KCNIP4: variants seen among roughly 807,000 people sequenced by gnomAD.
KCNIP4 encodes potassium voltage-gated channel interacting protein 4.
Under a neutral mutation model 34.0 loss-of-function variants are expected in KCNIP4, and 12 were observed. The ratio of observed to expected loss-of-function variants is 0.35; its 90% CI spans 0.23 to 0.57. The LOEUF is 0.57. Ranked by LOEUF, KCNIP4 falls within the 20% of genes least tolerant of loss-of-function variation. The pLI is 0.83. For missense variants in KCNIP4, 238 were observed against 311.7 expected, an observed-to-expected ratio of 0.76 and a Z score of 1.78; for synonymous variants, 124 against 102.2, an observed-to-expected ratio of 1.21 and a Z score of -1.29.
In KCNIP4 at chr4:20,731,953, A is replaced by T; in HGVS notation, c.705+53T>A. The T allele has an allele frequency of 5.6e-6, 9 of 1,605,402 alleles. 1 individual carries two copies. In the South Asian group the frequency reaches 1.0e-4, roughly 18 times the overall value. ...TCATGGTAGCTAGCTGCTAATACTCAGTTTAGCTGTTATGATAGCTGAATT... is the reference window on the plus strand; with the variant it reads ...TCATGGTAGCTAGCTGCTAATACTCTGTTTAGCTGTTATGATAGCTGAATT... On this transcript the variant is annotated intron_variant, in intron 8 of 8. Transcript: ENST00000382152.
chr4:21,914,123 C>T (rs1385652105), intron 1 of KCNIP4, among the ~76,000 whole-genome samples: 1 of 152,050 alleles, frequency 6.6e-6, no homozygotes, highest in Non-Finnish European at 1.5e-5. Context: ...GGGCTTCAAG[C>T]AGGTGAATAA....
Position 20,770,627 on chromosome 4 carries a change from A to G in KCNIP4, c.289-11737T>C, listed in dbSNP as rs74834821. 3.9e-3 allele frequency among the ~76,000 whole-genome samples: 590 copies of G among 152,272 alleles called. 7 individuals carry two copies. Among genetic ancestry groups the G allele is most frequent in the African/African-American group, 0.013 (540 of 41,556 alleles). ...GTGGCTTGAGAATACTTGAAAAAAT[A>G]AAAATTAAAAATAAATAAAAAATAA... is the stretch of plus-strand genomic sequence containing the variant. On this transcript the variant is annotated intron_variant, in intron 3 of 8. Coordinates refer to ENST00000382152, the MANE Select transcript of KCNIP4 (RefSeq NM_025221.6).
intron 1 of KCNIP4, among the ~76,000 whole-genome samples, chr4:21,855,097 G>A (rs28493436): frequency 0.014 from 2,128 of 152,286 alleles, 46 homozygotes; most frequent in African/African-American, 0.048. Context: ...TTTAAACATC[G>A]TCTTTAAGCA....
chr4:20,753,630 C>T (rs994589552), intron 4 of KCNIP4, among the ~76,000 whole-genome samples: 1 of 152,092 alleles, frequency 6.6e-6, no homozygotes, highest in Non-Finnish European at 1.5e-5. Flanking sequence ...ATAGAATCAC[C>T]TTCATGTATT....
At chr4:21,141,465 C>A (rs1751947999) in intron 1 of KCNIP4, among the ~76,000 whole-genome samples, 1 of 151,860 alleles carries the variant, frequency 6.6e-6, no homozygotes, top group Non-Finnish European at 1.5e-5. Context: ...ACATAATCAT[C>A]ATTTTTTGAT....
intron 1 of KCNIP4, among the ~76,000 whole-genome samples, chr4:21,194,921 C>T (rs991650903): frequency 6.6e-6 from 1 of 152,148 alleles, no homozygotes; most frequent in Non-Finnish European, 1.5e-5. Flanking sequence ...AACACACGTC[C>T]TCTGCTTTCA....
intron 1 of KCNIP4, among the ~76,000 whole-genome samples, chr4:21,912,371 T>C (rs901614455): frequency 3.3e-5 from 5 of 152,204 alleles, no homozygotes; most frequent in African/African-American, 1.2e-4. Flanking sequence ...TCATATGCAT[T>C]AGTCTCCATA....
chr4:21,437,880 A>AGTGTGTGTGTGT (rs71655635), intron 1 of KCNIP4, among the ~76,000 whole-genome samples: 7 of 143,268 alleles, frequency 4.9e-5, no homozygotes, highest in African/African-American at 1.3e-4. Flanking sequence ...TTATTTTACA[A>AGTGTGTGTGTGT]GTGTGTGTGT....
intron 1 of KCNIP4, among the ~76,000 whole-genome samples, chr4:21,033,887 A>T (rs185203398): frequency 6.6e-6 from 1 of 152,266 alleles, no homozygotes; most frequent in East Asian, 1.9e-4. Flanking sequence ...GAAGATATTG[A>T]CTTGTACTTA....
intron 1 of KCNIP4, among the ~76,000 whole-genome samples, chr4:21,539,328 A>G (rs756051723): frequency 6.6e-6 from 1 of 152,120 alleles, no homozygotes; most frequent in African/African-American, 2.4e-5. Context: ...CAGCTAAAGT[A>G]TCTTCTCCTA....
At chr4:20,968,605 G>T (rs1251669059) in intron 1 of KCNIP4, among the ~76,000 whole-genome samples, 2 of 152,004 alleles carry the variant, frequency 1.3e-5, no homozygotes, top group East Asian at 1.9e-4. Flanking sequence ...CCATAAAAAA[G>T]GATGAGTTCA....
In KCNIP4 at chr4:21,866,945, G is replaced by C. The variant is rs1335429635; in HGVS notation, c.61+81626C>G. On this transcript the variant is annotated intron_variant, in intron 1 of 8. Coordinates refer to ENST00000382152, the MANE Select transcript of KCNIP4 (RefSeq NM_025221.6). ...CGCCACCATGCTCAGCTAATTTTTT[G>C]TATTTTTAGTAGAGACAGGGTTTCA... Among the ~76,000 whole-genome samples, 4 of 151,802 alleles carry C rather than the reference G, an allele frequency of 2.6e-5. No individual in the cohort carries two copies. In the East Asian group the frequency reaches 5.8e-4, roughly 22 times the overall value.
At position 20,939,618 on chromosome 4, in the gene KCNIP4, C is replaced by T. The variant is rs151250235; in HGVS notation, c.62-56909G>A. 8.3e-3 allele frequency among the ~76,000 whole-genome samples: 1,260 copies of T among 152,098 alleles called. 13 individuals are homozygous for T. Among genetic ancestry groups the T allele is most frequent in the African/African-American group, 0.028 (1,152 of 41,482 alleles). Reference sequence around the variant, plus strand: ...CGATTTCTTGGCCTCATGATCCGCCCGCCTCAGCCTCCTAAAGTGCTGGGA... The same window carrying T: ...CGATTTCTTGGCCTCATGATCCGCCTGCCTCAGCCTCCTAAAGTGCTGGGA... On this transcript the variant is annotated intron_variant, in intron 1 of 8. Transcript: ENST00000382152.
At chr4:21,591,305 C>T (rs1231341876) in intron 1 of KCNIP4, among the ~76,000 whole-genome samples, 3 of 151,860 alleles carry the variant, frequency 2.0e-5, no homozygotes, top group Non-Finnish European at 4.4e-5. Context: ...TTTATTTTTA[C>T]CTGTGTAAAG....
intron 1 of KCNIP4, among the ~76,000 whole-genome samples, chr4:21,265,007 A>G (rs1011107071): frequency 3.9e-5 from 6 of 152,102 alleles, no homozygotes; most frequent in African/African-American, 1.4e-4. Flanking sequence ...GCTGAGGCAC[A>G]AGAATTGCTT....
At chr4:20,927,598 A>G (rs1225744164) in intron 1 of KCNIP4, among the ~76,000 whole-genome samples, 4 of 152,208 alleles carry the variant, frequency 2.6e-5, no homozygotes, top group African/African-American at 4.8e-5. Context: ...TTCAACATTA[A>G]TCCTTTCCTG....
At chr4:21,011,941 T>G (rs947836209) in intron 1 of KCNIP4, among the ~76,000 whole-genome samples, 8 of 152,228 alleles carry the variant, frequency 5.3e-5, no homozygotes, top group Non-Finnish European at 1.0e-4. Flanking sequence ...GTCTCCTAAC[T>G]GGATTATAAT....
At chr4:21,472,362 G>A (rs1210922962) in intron 1 of KCNIP4, among the ~76,000 whole-genome samples, 2 of 151,900 alleles carry the variant, frequency 1.3e-5, no homozygotes, top group Admixed American at 1.3e-4. Context: ...TGAGAGAGAG[G>A]AAAGTCTCCA....
At chr4:21,837,754 A>C (rs1578053039) in intron 1 of KCNIP4, among the ~76,000 whole-genome samples, 1 of 152,120 alleles carries the variant, frequency 6.6e-6, no homozygotes, top group Admixed American at 6.5e-5. Flanking sequence ...CATTTAATTA[A>C]GATGGCTAAA....
Sources: gnomAD v4.1 joint callset for allele counts (sites outside exome capture counted in the v4.1 genomes callset) on GRCh38, gnomAD v4.1.1 for gene constraint, MANE v1.5 for transcripts, NCBI Gene and HGNC (gene_info 2026-07-23, HGNC 2026-07-21) for gene names.